Variants in AKAP6 observed in about 807,000 individuals in gnomAD.
AKAP6 encodes A-kinase anchoring protein 6, also known as A-kinase anchor protein 6.
Under a neutral mutation model 188.5 loss-of-function variants are expected in AKAP6, and 58 were observed. The ratio of observed to expected loss-of-function variants is 0.31; its 90% confidence interval spans 0.25 to 0.38. AKAP6 has a LOEUF of 0.38. Ranked by LOEUF, AKAP6 falls within the 10% of genes least tolerant of loss-of-function variation. AKAP6 has a pLI of 1.00. For synonymous variants in AKAP6, 989 were observed against 998.6 expected (o/e 0.99, Z 0.18); for missense variants, 2,710 against 2,740.0 (o/e 0.99, Z 0.24).
chr14:32,741,882 T>C (rs1453301619), intron 11 of AKAP6, among the ~76,000 whole-genome samples: 1 of 144,748 alleles, frequency 6.9e-6, no homozygotes, highest in Admixed American at 7.1e-5. Context: ...AGGGTAATAC[T>C]GGTCTCATAG....
rs967323092 is a variant in AKAP6 at position 32,562,450 on chromosome 14, C to T, written c.2347-14670C>T. Among the ~76,000 whole-genome samples, 9 of 152,238 alleles carry T rather than the reference C, an allele frequency of 5.9e-5. No individual in the cohort carries two copies. The South Asian group carries it at 8.3e-4, about 14-fold the overall frequency. On this transcript the variant is annotated intron_variant, in intron 4 of 13. Coordinates refer to ENST00000280979, the MANE Select transcript of AKAP6 (RefSeq NM_004274.5). ...TTTTCTATAGCATAGAGAAGACTAT[C>T]GGTAGTCTTTTAAAGTAAAGTTTCA...
At chr14:32,604,314 A>G (rs1324223609) in intron 7 of AKAP6, among the ~76,000 whole-genome samples, 2 of 152,126 alleles carry the variant, frequency 1.3e-5, no homozygotes, top group Non-Finnish European at 2.9e-5. Flanking sequence ...AGATCTTGAC[A>G]TGATTGAGCC....
At chr14:32,365,333 C>T (rs79475786) in intron 1 of AKAP6, among the ~76,000 whole-genome samples, 17 of 152,140 alleles carry the variant, frequency 1.1e-4, no homozygotes, top group Non-Finnish European at 2.1e-4. Flanking sequence ...TGCATTTCCA[C>T]ACTGTGTCTT....
Position 32,525,185 on chromosome 14 carries a change from T to C in AKAP6, c.325-10369T>C, listed in dbSNP as rs112457131. 3.3e-3 allele frequency among the ~76,000 whole-genome samples: 506 copies of C among 152,318 alleles called. 5 individuals are homozygous for C. The highest frequency in any genetic ancestry group is 0.012 in the African/African-American group (483 of 41,572). On this transcript the variant is annotated intron_variant, in intron 2 of 13. Coordinates refer to ENST00000280979, the MANE Select transcript of AKAP6 (RefSeq NM_004274.5). ...ACTGAATGCAAGAATGACTAAGCAG[T>C]AGCTTGCTTAGAAAAACAATTTCTC... is the stretch of plus-strand genomic sequence containing the variant.
intron 7 of AKAP6, among the ~76,000 whole-genome samples, chr14:32,653,017 C>T (rs1400405595): frequency 6.6e-6 from 1 of 152,126 alleles, no homozygotes; most frequent in Non-Finnish European, 1.5e-5. Flanking sequence ...TGTGCCACTA[C>T]ACTCCAGCCT....
chr14:32,795,727 A>G (rs549430966), intron 12 of AKAP6, among the ~76,000 whole-genome samples: 2 of 152,336 alleles, frequency 1.3e-5, no homozygotes, highest in African/African-American at 4.8e-5. Flanking sequence ...CTGGCACAAG[A>G]CAAGGATGCC....
intron 1 of AKAP6, among the ~76,000 whole-genome samples, chr14:32,376,869 G>A (rs1199822889): frequency 1.3e-5 from 2 of 152,074 alleles, no homozygotes; most frequent in Admixed American, 1.3e-4. Context: ...ACAAATTTTT[G>A]TATTTTTAGT....
intron 8 of AKAP6, among the ~76,000 whole-genome samples, chr14:32,678,752 C>G (rs2139640491): frequency 6.6e-6 from 1 of 152,230 alleles, no homozygotes; most frequent in South Asian, 2.1e-4. Context: ...GATCTGTCTT[C>G]TTTATAAATT....
chr14:32,680,438 T>C (rs1205817108), intron 8 of AKAP6, among the ~76,000 whole-genome samples: 1 of 152,174 alleles, frequency 6.6e-6, no homozygotes, highest in Non-Finnish European at 1.5e-5. Context: ...AATTATCTGC[T>C]CCAATGATAC....
chr14:32,398,278 GT>G (rs1336754327), intron 1 of AKAP6, among the ~76,000 whole-genome samples: 26 of 152,216 alleles, frequency 1.7e-4, no homozygotes, highest in South Asian at 4.1e-4. Flanking sequence ...GAAGGAAATT[GT>G]GTGTGTGGGG....
At chr14:32,561,572 A>G (rs1428467255) in intron 4 of AKAP6, among the ~76,000 whole-genome samples, 1 of 152,172 alleles carries the variant, frequency 6.6e-6, no homozygotes, top group Non-Finnish European at 1.5e-5. Flanking sequence ...GGTGAACTCA[A>G]GTTTCCCTTA....
At chr14:32,809,627 T>A (rs2034172609) in intron 12 of AKAP6, among the ~76,000 whole-genome samples, 1 of 152,080 alleles carries the variant, frequency 6.6e-6, no homozygotes, top group Non-Finnish European at 1.5e-5. Context: ...GTTCCTAAAG[T>A]TTATGGAGTC....
intron 1 of AKAP6, among the ~76,000 whole-genome samples, chr14:32,364,147 T>C (rs986313227): frequency 3.3e-5 from 5 of 152,000 alleles, no homozygotes; most frequent in African/African-American, 1.2e-4. Context: ...AGACAATGAA[T>C]CTGGATTGCT....
chr14:32,735,785 G>T lies in AKAP6; in HGVS notation c.3275G>T (p.Gly1092Val), dbSNP rs148363111. 106 of 1,613,426 alleles carry T rather than the reference G, an allele frequency of 6.6e-5. No homozygotes were observed. The African/African-American group carries it at 1.3e-3, about 20-fold the overall frequency. The change falls in exon 11 of 14, where the codon GGA becomes GTA. Residue 1092 changes from glycine to valine, a missense_variant. Gly to Val is a moderately radical substitution (Grantham distance 109). This residue lies in a region of AKAP6 where 2,473 missense variants were observed against 2,426.1 expected (regional missense o/e 1.02). Coordinates refer to ENST00000280979, the MANE Select transcript of AKAP6 (RefSeq NM_004274.5). ...GAGGTCAGGATCAAAGAACTGAAAG[G>T]ATGGCTAAGAGATACAGAGCTTTTC... ...QLEVRIKELK[G>V]WLRDTELFIF...
intron 12 of AKAP6, among the ~76,000 whole-genome samples, chr14:32,792,214 T>C (rs2140058311): frequency 6.6e-6 from 1 of 152,326 alleles, no homozygotes; most frequent in Middle Eastern, 3.4e-3. Context: ...CTTTGGACAG[T>C]ACGGCCATTT....
At chr14:32,540,168 C>CTCTATATATATATATATATA (rs1240063339) in intron 3 of AKAP6, among the ~76,000 whole-genome samples, 1 of 60,922 alleles carries the variant, frequency 1.6e-5, no homozygotes, top group African/African-American at 9.8e-5. Context: ...CTCTCTCTCT[C>CTCTATATATATATATATATA]TATATATATA....
At position 32,609,257 on chromosome 14, in the gene AKAP6, G is replaced by A. The variant is rs1455928198; in HGVS notation, c.2730+8465G>A. Among the ~76,000 whole-genome samples the A allele has an allele frequency of 2.0e-5, 3 of 152,124 alleles. No homozygotes were observed. The East Asian group carries it at 5.8e-4, about 29-fold the overall frequency. On this transcript the variant is annotated intron_variant, in intron 7 of 13. Transcript: ENST00000280979. ...CCATCTAGTGTAGTCAAATGGCATT[G>A]AGTTGTCCACATTTTGCTTGTTCTT...
In AKAP6 at chr14:32,507,000, C is replaced by A. The variant is rs527818187; in HGVS notation, c.325-28554C>A. ...AAATCATTTTTTTTCCTGAGTTATA[C>A]AAAGGAAGGAGACACTGGTGACTAG... is the stretch of plus-strand genomic sequence containing the variant. On this transcript the variant is annotated intron_variant, in intron 2 of 13. Transcript: ENST00000280979. Among the ~76,000 whole-genome samples the A allele has an allele frequency of 6.6e-5, 10 of 152,084 alleles. No homozygotes were observed. The East Asian group carries it at 1.9e-3, about 29-fold the overall frequency.
intron 2 of AKAP6, among the ~76,000 whole-genome samples, chr14:32,524,698 G>A (rs146018096): frequency 3.0e-4 from 46 of 152,272 alleles, no homozygotes; most frequent in African/African-American, 9.1e-4. Flanking sequence ...AGATATATTT[G>A]TGTAATATCA....
Sources: gnomAD v4.1 joint callset for allele counts (sites outside exome capture counted in the v4.1 genomes callset) on GRCh38, gnomAD v4.1.1 for gene constraint, gnomAD v4.1.1 regional missense constraint, MANE v1.5 for transcripts, NCBI Gene and HGNC (gene_info 2026-07-23, HGNC 2026-07-21) for gene names.